The following CDH13 variants were observed in gnomAD, a reference collection of about 807,000 sequenced individuals.
CDH13 encodes the protein cadherin-13.
Under a neutral mutation model 63.8 loss-of-function variants are expected in CDH13, and 24 were observed. That is an observed-to-expected ratio of 0.38 (90% CI 0.27 to 0.53). The LOEUF is 0.53. CDH13 is among the 20% of genes least tolerant of loss of function. CDH13 has a pLI of 0.85. For missense variants in CDH13, 1,049 were observed against 903.1 expected, an observed-to-expected ratio of 1.16 and a Z score of -2.07; for synonymous variants, 503 against 355.3, an observed-to-expected ratio of 1.42 and a Z score of -4.67.
At chr16:83,769,776 A>T (rs1249188263) in intron 11 of CDH13, among the ~76,000 whole-genome samples, 1 of 152,170 alleles carries the variant, frequency 6.6e-6, no homozygotes, top group Non-Finnish European at 1.5e-5. Flanking sequence ...AGAAGAGATC[A>T]CTGGGGCACG....
At chr16:83,405,447 T>G (rs1395545776) in intron 6 of CDH13, among the ~76,000 whole-genome samples, 1 of 152,208 alleles carries the variant, frequency 6.6e-6, no homozygotes, top group Non-Finnish European at 1.5e-5. Flanking sequence ...GGAAAGGTGA[T>G]GTTGTCCTGC....
At chr16:83,346,945 C>G (rs1471899846) in intron 6 of CDH13, among the ~76,000 whole-genome samples, 3 of 152,152 alleles carry the variant, frequency 2.0e-5, no homozygotes, top group Non-Finnish European at 4.4e-5. Flanking sequence ...CATAAAGACT[C>G]AGGTGTCTGT....
chr16:83,231,845 G>A (rs2040005450), intron 5 of CDH13, among the ~76,000 whole-genome samples: 1 of 152,170 alleles, frequency 6.6e-6, no homozygotes, highest in Non-Finnish European at 1.5e-5. Context: ...CCTGGTGGGA[G>A]GTGATTGAAT....
chr16:82,839,525 TC>T (rs1269515146), intron 1 of CDH13, among the ~76,000 whole-genome samples: 5 of 152,276 alleles, frequency 3.3e-5, no homozygotes, highest in Middle Eastern at 3.4e-3. Flanking sequence ...AGGATTAATC[TC>T]CCTAACTGGA....
At chr16:83,292,580 G>T (rs145492271) in intron 5 of CDH13, among the ~76,000 whole-genome samples, 41 of 152,038 alleles carry the variant, frequency 2.7e-4, no homozygotes, top group Admixed American at 2.7e-3. Flanking sequence ...CAAATCAAGC[G>T]GTAGGAGCTA....
chr16:82,974,821 C>T (rs1438705972), intron 2 of CDH13, among the ~76,000 whole-genome samples: 3 of 152,220 alleles, frequency 2.0e-5, no homozygotes, highest in Non-Finnish European at 4.4e-5. Flanking sequence ...CTAGAGCCTT[C>T]AAGAGTCTCC....
At chr16:82,687,251 A>G (rs1405513435) in intron 1 of CDH13, among the ~76,000 whole-genome samples, 1 of 152,216 alleles carries the variant, frequency 6.6e-6, no homozygotes, top group Non-Finnish European at 1.5e-5. Context: ...AGGGTTTAGC[A>G]CAAGGGGTAA....
At chr16:83,634,246 CT>C (rs1449485598) in intron 8 of CDH13, among the ~76,000 whole-genome samples, 24 of 151,978 alleles carry the variant, frequency 1.6e-4, no homozygotes, top group Non-Finnish European at 2.1e-4. Context: ...CACAGAAGGG[CT>C]ACCTGTCTTG....
intron 3 of CDH13, among the ~76,000 whole-genome samples, chr16:83,059,953 C>T (rs556205625): frequency 6.6e-6 from 1 of 151,902 alleles, no homozygotes; most frequent in Admixed American, 6.6e-5. Flanking sequence ...GCCAGCACAC[C>T]CAGCTAATAT....
At chr16:82,678,919 G>A (rs994694219) in intron 1 of CDH13, among the ~76,000 whole-genome samples, 3 of 152,186 alleles carry the variant, frequency 2.0e-5, no homozygotes, top group African/African-American at 7.2e-5. Flanking sequence ...AATTGGGACT[G>A]TGTGGTTCCA....
intron 3 of CDH13, among the ~76,000 whole-genome samples, chr16:83,116,680 C>G (rs1280224701): frequency 1.3e-5 from 2 of 152,212 alleles, no homozygotes; most frequent in Non-Finnish European, 2.9e-5. Flanking sequence ...TGGAGATGTT[C>G]TAAAATTATA....
At chr16:83,035,209 G>T (rs1429094573) in intron 3 of CDH13, among the ~76,000 whole-genome samples, 1 of 152,204 alleles carries the variant, frequency 6.6e-6, no homozygotes, top group Admixed American at 6.5e-5. Flanking sequence ...CCTACTGTGT[G>T]CAGCCAAGTG....
chr16:83,209,679 A>T lies in CDH13; in HGVS notation c.484-7666A>T, dbSNP rs577712284. Among the ~76,000 whole-genome samples, 132 of 152,252 alleles carry T rather than the reference A, an allele frequency of 8.7e-4. 1 individual carries two copies. Among genetic ancestry groups the T allele is most frequent in the African/African-American group, 3.0e-3 (125 of 41,554 alleles). On this transcript the variant is annotated intron_variant, in intron 4 of 13. Coordinates refer to ENST00000567109, the MANE Select transcript of CDH13 (RefSeq NM_001257.5). Reference sequence around the variant, plus strand: ...TATGTTCCAAGCCCTGGGAATGTGAAAGAGAATAAGAAAGCAACAGCCTGA... The same window carrying T: ...TATGTTCCAAGCCCTGGGAATGTGATAGAGAATAAGAAAGCAACAGCCTGA...
chr16:83,649,514 C>G (rs909474111), intron 8 of CDH13, among the ~76,000 whole-genome samples: 5 of 152,016 alleles, frequency 3.3e-5, no homozygotes, highest in Non-Finnish European at 5.9e-5. Context: ...GAGTCATGAA[C>G]ATGTTTATGG....
intron 6 of CDH13, among the ~76,000 whole-genome samples, chr16:83,456,176 G>T (rs535764396): frequency 6.6e-6 from 1 of 152,364 alleles, no homozygotes; most frequent in South Asian, 2.1e-4. Context: ...ACTGTTGATA[G>T]AACAGCAAAC....
chr16:83,476,299 G>T (rs561375575), intron 6 of CDH13, among the ~76,000 whole-genome samples: 7 of 152,218 alleles, frequency 4.6e-5, no homozygotes, highest in African/African-American at 1.7e-4. Flanking sequence ...CCCAGGCATT[G>T]CCAAATGTTC....
rs1034798422 is a variant in CDH13, at chr16:83,479,297, C to G, written c.782-7180C>G. On this transcript the variant is annotated intron_variant, in intron 6 of 13. Coordinates refer to ENST00000567109, the MANE Select transcript of CDH13 (RefSeq NM_001257.5). ...TGGTTGGGTCCCACAAGCTATTTCC[C>G]TCGTCATGATTGCACTCAGCAGTGG... 3.3e-5 allele frequency among the ~76,000 whole-genome samples: 5 copies of G among 152,164 alleles called. No homozygotes were observed. In the South Asian group the frequency reaches 6.2e-4, roughly 19 times the overall value.
chr16:83,263,931 CAG>C (rs1907286336), intron 5 of CDH13, among the ~76,000 whole-genome samples: 2 of 152,150 alleles, frequency 1.3e-5, no homozygotes, highest in Admixed American at 1.3e-4. Context: ...GTCTTTCATG[CAG>C]AGACTCAATT....
chr16:83,244,421 C>G (rs1257368898), intron 5 of CDH13, among the ~76,000 whole-genome samples: 1 of 152,132 alleles, frequency 6.6e-6, no homozygotes, highest in Non-Finnish European at 1.5e-5. Flanking sequence ...TAAGAAGTAA[C>G]ACTGCTAATG....
Sources: allele counts gnomAD v4.1 joint callset (sites outside exome capture counted in the v4.1 genomes callset), GRCh38; gene constraint gnomAD v4.1.1; transcripts MANE v1.5; gene names NCBI Gene and HGNC (gene_info 2026-07-23, HGNC 2026-07-21).